RSRC2: variants seen among roughly 807,000 people sequenced by gnomAD.
The protein encoded by RSRC2 is arginine and serine rich coiled-coil 2.
In RSRC2, 5 loss-of-function variants were observed where a neutral mutation model predicts 61.3. That is an observed-to-expected ratio of 0.08 (90% confidence interval 0.04 to 0.17). The LOEUF is 0.17. RSRC2 is among the 10% of genes least tolerant of loss of function. The pLI is 1.00. For synonymous variants in RSRC2, 202 were observed against 166.5 expected (o/e 1.21, Z -1.64); for missense variants, 381 against 518.8 (o/e 0.73, Z 2.58).
Position 122,511,804 on chromosome 12 carries a change from A to C in RSRC2, c.726-616T>G, listed in dbSNP as rs1377047606. Among the ~76,000 whole-genome samples the C allele has an allele frequency of 6.1e-5, 8 of 130,214 alleles. No homozygotes were observed. The South Asian group carries it at 2.1e-3, about 34-fold the overall frequency. The allele number at this position is 130,214 out of a possible 152,430, so 85.4% of individuals were successfully genotyped here. On this transcript the variant is annotated intron_variant, in intron 6 of 9. Coordinates refer to ENST00000331738, the MANE Select transcript of RSRC2 (RefSeq NM_023012.6). ...GTAACATGAAACACAAATTCATCCC[A>C]AAACAAAAATGAATTTTTTTTTGAG... is the stretch of plus-strand genomic sequence containing the variant.
chr12:122,508,774 T>C (rs1941540300), intron 7 of RSRC2, among the ~76,000 whole-genome samples: 1 of 151,848 alleles, frequency 6.6e-6, no homozygotes, highest in African/African-American at 2.4e-5. Context: ...CTGACCAACA[T>C]GGAGAAACCC....
At chr12:122,513,543 A>AATAGACTT (rs1488357370) in intron 6 of RSRC2, among the ~76,000 whole-genome samples, 1 of 152,212 alleles carries the variant, frequency 6.6e-6, no homozygotes, top group Non-Finnish European at 1.5e-5. Flanking sequence ...ACACAAACAG[A>AATAGACTT]ATAGACTTAT....
intron 8 of RSRC2, chr12:122,507,270 G>T (rs1317602797): frequency 3.2e-5 from 9 of 283,106 alleles, no homozygotes; most frequent in Non-Finnish European, 6.9e-6. Flanking sequence ...ACCCAGGAGG[G>T]TCTCAGGAGT....
chr12:122,521,403 G>A lies in RSRC2; in HGVS notation c.189C>T (p.Ser63=), dbSNP rs1272895860. The A allele has an allele frequency of 2.5e-6, 4 of 1,611,932 alleles. No homozygotes were observed. The African/African-American group carries it at 5.3e-5, about 22-fold the overall frequency. Residue 63 remains serine, a synonymous_variant, in exon 3 of 10, where the codon AGC becomes AGT. Coordinates refer to ENST00000331738, the MANE Select transcript of RSRC2 (RefSeq NM_023012.6). ...KSDNEGRKHR[S]RSRSKEGRRH... is the part of the protein sequence containing the mutation. ...TAATTACCTCTTTGCTTCTGCTCCG[G>A]CTCCTGTGTTTTCTTCCTTCATTAT... is the stretch of plus-strand genomic sequence containing the variant.
intron 6 of RSRC2, among the ~76,000 whole-genome samples, chr12:122,512,068 AG>A (rs1958562099): frequency 6.6e-6 from 1 of 152,122 alleles, no homozygotes; most frequent in African/African-American, 2.4e-5. Flanking sequence ...GGCCTCCCGA[AG>A]TGCTGGCATT....
intron 7 of RSRC2, 132 bp downstream of exon 7, chr12:122,510,975 GGA>G: frequency 1.6e-6 from 1 of 623,268 alleles, no homozygotes; most frequent in Non-Finnish European, 2.8e-6. Flanking sequence ...CTTGAGCCTG[GGA>G]GTTTGAGGCT....
At chr12:122,514,349 C>CT (rs1429575373) in intron 6 of RSRC2, among the ~76,000 whole-genome samples, 3 of 150,244 alleles carry the variant, frequency 2.0e-5, no homozygotes, top group Non-Finnish European at 4.4e-5. Context: ...ACTGCAACCT[C>CT]TGCCTCATGG....
rs538331879 is a variant in RSRC2, at chr12:122,517,178, G to C, written c.602+49C>G. ...ACTCTCTTACTGAGGAAGATAAACA[G>C]ACTCTCTGAGGGTCCTATTAAATTT... On this transcript the variant is annotated intron_variant, in intron 5 of 9. Transcript: ENST00000331738. 1.2e-6 allele frequency: 2 copies of C among 1,609,576 alleles called. No individual in the cohort carries two copies. Among genetic ancestry groups the C allele is most frequent in the African/African-American group, 2.7e-5 (2 of 74,824 alleles).
intron 2 of RSRC2, among the ~76,000 whole-genome samples, chr12:122,521,772 A>G (rs1017764810): frequency 6.6e-6 from 1 of 152,226 alleles, no homozygotes; most frequent in East Asian, 1.9e-4. Context: ...AAAAATAAAA[A>G]CTAAAGAAAA....
At chr12:122,518,559 C>A (rs1345689857) in intron 4 of RSRC2, among the ~76,000 whole-genome samples, 1 of 150,334 alleles carries the variant, frequency 6.7e-6, no homozygotes, top group Non-Finnish European at 1.5e-5. Flanking sequence ...TGCCACTGCA[C>A]TCCAGCCTGG....
intron 5 of RSRC2, among the ~76,000 whole-genome samples, chr12:122,516,409 G>A (rs889694429): frequency 1.3e-5 from 2 of 152,176 alleles, no homozygotes; most frequent in East Asian, 1.9e-4. Context: ...GAGGTAGTTT[G>A]TACAATACAG....
intron 3 of RSRC2, chr12:122,521,135 A>T: frequency 2.5e-6 from 1 of 407,640 alleles, no homozygotes; most frequent in East Asian, 4.1e-5. Flanking sequence ...AACCAATCAT[A>T]TTCTTCATAT....
At chr12:122,520,411 T>C (rs963376241) in intron 3 of RSRC2, 2 of 732,944 alleles carry the variant, frequency 2.7e-6, no homozygotes, top group South Asian at 1.4e-5. Flanking sequence ...TTTTCAAACA[T>C]AACATTACTA....
rs1958021450 is a variant in RSRC2, at chr12:122,504,808, T to C, written c.*719A>G. On this transcript the variant is annotated 3_prime_UTR_variant, in exon 10 of 10. Transcript: ENST00000331738. Reference sequence around the variant, plus strand: ...TATCTCCTGAATAACACATGTAATATTTGACAAATACTGAATACCAAGTCT... The same window carrying C: ...TATCTCCTGAATAACACATGTAATACTTGACAAATACTGAATACCAAGTCT... 6.6e-6 allele frequency: 1 copy of C among 152,654 alleles called. No individual in the cohort carries two copies. Among genetic ancestry groups the C allele is most frequent in the Non-Finnish European group, 1.5e-5 (1 of 68,046 alleles). 9.5% of individuals were successfully genotyped at this position (152,654 alleles called of 1,614,324 possible). A position where few individuals can be genotyped will look rare whatever the true frequency, so the allele number is the denominator to read the frequency against.
intron 7 of RSRC2, among the ~76,000 whole-genome samples, chr12:122,510,090 G>A (rs1270492839): frequency 1.1e-4 from 17 of 152,140 alleles, no homozygotes; most frequent in Admixed American, 1.0e-3. Flanking sequence ...CCAAAGTGCT[G>A]GGATTACAGA....
intron 1 of RSRC2, 135 bp from the exon 2 acceptor site, chr12:122,522,434 A>C (rs1443423360): frequency 2.4e-6 from 2 of 837,878 alleles, no homozygotes; most frequent in Non-Finnish European, 3.6e-6. Flanking sequence ...CCAAGTAACT[A>C]AATGTGCTTT....
chr12:122,506,878 T>C lies in RSRC2; in HGVS notation c.1081A>G (p.Asn361Asp). The C allele has an allele frequency of 6.2e-7, 1 of 1,611,516 alleles. No homozygotes were observed. Among genetic ancestry groups the C allele is most frequent in the Non-Finnish European group, 8.5e-7 (1 of 1,177,660 alleles). The change falls in exon 9 of 10, where the codon AAC becomes GAC. Residue 361 changes from asparagine (N) to aspartate (D), a missense_variant. Asn to Asp is a conservative substitution (Grantham distance 23). Transcript: ENST00000331738. ...CTAAATTTGACATTTTGGTCCTTGT[T>C]TCCAAAATTCAATTTTTCCCATATT... The part of the protein sequence containing the change: ...AEIWEKLNFG[N>D]KDQNVKFRKL...
chr12:122,520,622 A>C (rs1329564329), intron 3 of RSRC2: 1 of 1,282,528 alleles, frequency 7.8e-7, no homozygotes, highest in Non-Finnish European at 1.1e-6. Flanking sequence ...ATGTGAGCTA[A>C]ACAAAATAGT....
chr12:122,511,348 T>C (rs1011263807), intron 6 of RSRC2, among the ~76,000 whole-genome samples, 160 bp from the exon 7 acceptor site: 12 of 152,172 alleles, frequency 7.9e-5, no homozygotes, highest in African/African-American at 2.2e-4. Context: ...AAGCAATCAT[T>C]CTTAAGATGA....
Sources: allele counts gnomAD v4.1 joint callset (sites outside exome capture counted in the v4.1 genomes callset), GRCh38; gene constraint gnomAD v4.1.1; transcripts MANE v1.5; gene names NCBI Gene and HGNC (gene_info 2026-07-23, HGNC 2026-07-21).